Variants in FAAH2 observed in about 807,000 individuals in gnomAD.
FAAH2 encodes the protein fatty acid amide hydrolase 2, also known as fatty-acid amide hydrolase 2.
FAAH2 carries 60 observed loss-of-function variants against 36.9 expected under a neutral mutation model. That is an observed-to-expected ratio of 1.63 (90% CI 1.32 to 2.02). FAAH2 has a LOEUF of 2.02. Among genes scored for constraint, FAAH2 ranks in the 30% most tolerant of loss-of-function variants. The pLI, the probability that FAAH2 is intolerant of heterozygous loss-of-function variation, is 0.00. For missense variants in FAAH2, 689 were observed against 397.5 expected (o/e 1.73, Z -6.23); for synonymous variants, 214 against 143.8 (o/e 1.49, Z -3.49).
At chrX:57,270,423 A>C in the FAAH2 span, among the ~76,000 whole-genome samples, 1 of 111,929 alleles carries the variant, frequency 8.9e-6, no homozygotes, top group African/African-American at 3.2e-5. Flanking sequence ...AAAAAAGAAA[A>C]CTTCAGGCCA....
chrX:57,305,301 A>T (rs1266688396), intron 2 of FAAH2, among the ~76,000 whole-genome samples: 1 of 111,285 alleles, frequency 9.0e-6, no homozygotes, highest in Non-Finnish European at 1.9e-5. Context: ...AACTCATGAA[A>T]TGAAAATTTC....
intron 8 of FAAH2, among the ~76,000 whole-genome samples, chrX:57,444,311 G>GC (rs1198190725): frequency 8.9e-6 from 1 of 112,104 alleles, no homozygotes. Flanking sequence ...AGCAATGGCG[G>GC]ATGCCCCTCC....
At chrX:57,353,304 C>T (rs771751076) in intron 5 of FAAH2, among the ~76,000 whole-genome samples, 2 of 108,935 alleles carry the variant, frequency 1.8e-5, no homozygotes, top group African/African-American at 6.6e-5. Context: ...ATAAATACAG[C>T]CAAGTGATCT....
At chrX:57,205,856 T>G in the FAAH2 span, among the ~76,000 whole-genome samples, 8 of 112,190 alleles carry the variant, frequency 7.1e-5, no homozygotes, top group Non-Finnish European at 1.3e-4. Context: ...CTTGCTGTAT[T>G]TGTGCCTTCA....
At chrX:57,191,002 C>A in the FAAH2 span, among the ~76,000 whole-genome samples, 2 of 111,417 alleles carry the variant, frequency 1.8e-5, no homozygotes, top group Non-Finnish European at 3.8e-5. Flanking sequence ...GGGATATAAA[C>A]CCAGCCATGA....
chrX:57,180,353 G>A, the FAAH2 span, among the ~76,000 whole-genome samples: 2 of 111,166 alleles, frequency 1.8e-5, no homozygotes, highest in Non-Finnish European at 3.8e-5. Context: ...AGGATAAATA[G>A]ACTGCTAGCT....
intron 2 of FAAH2, among the ~76,000 whole-genome samples, chrX:57,306,104 A>G (rs2052515058): frequency 1.8e-5 from 2 of 112,089 alleles, no homozygotes; most frequent in Non-Finnish European, 3.8e-5. Context: ...TTGGCAACTG[A>G]AAGCTTTCTT....
the FAAH2 span, among the ~76,000 whole-genome samples, chrX:57,204,140 G>A: frequency 6.3e-5 from 7 of 110,888 alleles, no homozygotes; most frequent in East Asian, 2.8e-4. Context: ...ATCATTGTGC[G>A]CCACCTCTGC....
chrX:57,399,831 A>T (rs181598084), intron 7 of FAAH2, among the ~76,000 whole-genome samples: 1 of 111,907 alleles, frequency 8.9e-6, no homozygotes, highest in East Asian at 2.8e-4. Context: ...CTTTCTCCTA[A>T]TTCTAGCGCC....
intron 10 of FAAH2, among the ~76,000 whole-genome samples, chrX:57,465,141 G>A (rs1049298702): frequency 2.7e-5 from 3 of 111,469 alleles, no homozygotes; most frequent in Non-Finnish European, 3.8e-5. Flanking sequence ...TGTTTTAAAT[G>A]GAAGAATAAA....
intron 2 of FAAH2, among the ~76,000 whole-genome samples, chrX:57,300,652 C>T (rs754428715): frequency 5.4e-5 from 6 of 111,462 alleles, no homozygotes; most frequent in African/African-American, 1.6e-4. Context: ...CAAAAGAAAC[C>T]ACCATCAGAG....
the FAAH2 span, among the ~76,000 whole-genome samples, chrX:57,187,820 T>A: frequency 1.8e-5 from 2 of 110,408 alleles, no homozygotes; most frequent in African/African-American, 3.3e-5. Flanking sequence ...TCTATTGAGA[T>A]AATGTGGTTT....
chrX:57,328,995 TCAA>T (rs1448702645), intron 3 of FAAH2, among the ~76,000 whole-genome samples: 2 of 111,454 alleles, frequency 1.8e-5, no homozygotes, highest in Admixed American at 1.9e-4. Context: ...TCATAATACT[TCAA>T]TGGGTAAGTG....
At chrX:57,253,202 G>A in the FAAH2 span, among the ~76,000 whole-genome samples, 1 of 108,467 alleles carries the variant, frequency 9.2e-6, no homozygotes, top group African/African-American at 3.4e-5. Context: ...AAAGCCAGAA[G>A]ACAAGCTTAG....
the FAAH2 span, among the ~76,000 whole-genome samples, chrX:57,250,184 C>A: frequency 1.8e-5 from 2 of 111,896 alleles, no homozygotes; most frequent in Non-Finnish European, 3.8e-5. Context: ...TGTGGCATCT[C>A]CTTACAGAGA....
chrX:57,196,374 G>T, the FAAH2 span, among the ~76,000 whole-genome samples: 3 of 111,794 alleles, frequency 2.7e-5, no homozygotes. Flanking sequence ...GTCACTGTTG[G>T]TGTATAGCAG....
chrX:57,332,683 G>T (rs749039797), intron 4 of FAAH2, among the ~76,000 whole-genome samples: 1 of 111,215 alleles, frequency 9.0e-6, no homozygotes, highest in African/African-American at 3.3e-5. Context: ...GATCTTAGGG[G>T]CCCCACACAA....
At chrX:57,397,005 T>C (rs1181264187) in intron 7 of FAAH2, among the ~76,000 whole-genome samples, 1 of 112,058 alleles carries the variant, frequency 8.9e-6, no homozygotes, top group Admixed American at 9.5e-5. Context: ...ATGAATTTGG[T>C]CTTCCAGTGT....
chrX:57,312,672 C>CA (rs5902564), intron 3 of FAAH2, among the ~76,000 whole-genome samples: 1,813 of 98,953 alleles, frequency 0.018, 8 homozygotes, highest in African/African-American at 0.034. Context: ...AAAACTCCAT[C>CA]AAAAAAAAAA....
Sources: gnomAD v4.1 joint callset for allele counts (sites outside exome capture counted in the v4.1 genomes callset) on GRCh38, gnomAD v4.1.1 for gene constraint, MANE v1.5 for transcripts, NCBI Gene and HGNC (gene_info 2026-07-23, HGNC 2026-07-21) for gene names.